C1orf54: variants seen among roughly 807,000 people sequenced by gnomAD.
The protein encoded by C1orf54 is uncharacterized protein C1orf54.
In C1orf54, 12 loss-of-function variants were observed where a neutral mutation model predicts 14.7. The ratio of observed to expected loss-of-function variants is 0.82; its 90% CI spans 0.52 to 1.32. C1orf54 has a LOEUF of 1.32. C1orf54 is among the 40% of genes most tolerant of loss of function. The pLI is 0.00. For synonymous variants in C1orf54, 65 were observed against 56.3 expected (o/e 1.16, Z -0.70); for missense variants, 163 against 162.2 (o/e 1.00, Z -0.03).
chr1:150,278,442 T>C (rs1652841066), intron 4 of C1orf54, among the ~76,000 whole-genome samples: 1 of 152,042 alleles, frequency 6.6e-6, no homozygotes, highest in Admixed American at 6.6e-5. Context: ...CCTATGAGGG[T>C]GTCCTAAAGG....
At chr1:150,277,019 T>C (rs1652712661) in intron 4 of C1orf54, among the ~76,000 whole-genome samples, 1 of 152,202 alleles carries the variant, frequency 6.6e-6, no homozygotes, top group South Asian at 2.1e-4. Context: ...TATATAAATT[T>C]GAAAGCAGAA....
chr1:150,268,972 C>T (rs1172384506), upstream of C1orf54: 1 of 602,810 alleles, frequency 1.7e-6, no homozygotes, highest in Non-Finnish European at 2.9e-6. Context: ...GGAACCGAAA[C>T]CCCAAATGAA....
At chr1:150,272,480 G>A (rs587674624), upstream of C1orf54, 13 of 242,362 alleles carry the variant, frequency 5.4e-5, no homozygotes, top group African/African-American at 2.3e-4. Flanking sequence ...AAGGAAAGCC[G>A]GGAGAGGGGA....
At chr1:150,276,385 G>GATTCTCTACTTAAA (rs1652655145) in intron 3 of C1orf54, 137 bp from the exon 4 acceptor site, 1 of 675,040 alleles carries the variant, frequency 1.5e-6, no homozygotes, top group Non-Finnish European at 2.6e-6. Context: ...GCAAGCATAG[G>GATTCTCTACTTAAA]GTAGGGGGGA....
chr1:150,279,045 C>T (rs942415087), intron 4 of C1orf54, among the ~76,000 whole-genome samples: 6 of 152,134 alleles, frequency 3.9e-5, no homozygotes, highest in Non-Finnish European at 5.9e-5. Flanking sequence ...CTGAGGTGGG[C>T]GGATCACCTG....
rs782098840 is a variant in C1orf54, at chr1:150,276,550, C to T, written c.218C>T (p.Ala73Val). 1 of 1,613,988 alleles carries T rather than the reference C, an allele frequency of 6.2e-7. No individual in the cohort carries two copies. Among genetic ancestry groups the T allele is most frequent in the Non-Finnish European group, 8.5e-7 (1 of 1,179,968 alleles). Residue 73 changes from alanine to valine, a missense_variant, in exon 4 of 6, where the codon GCA (alanine) becomes GTA (valine). Coordinates refer to ENST00000369099, the MANE Select transcript of C1orf54 (RefSeq NM_024579.4). ...LNRLDKDITE[A>V]IETTISLETA... ...AGGTTGGATAAGGACATAACAGAAGCAATAGAGACTACCATTAGTCTTGAA... is the reference window on the plus strand; with the variant it reads ...AGGTTGGATAAGGACATAACAGAAGTAATAGAGACTACCATTAGTCTTGAA...
At chr1:150,277,129 G>T (rs782801830) in intron 4 of C1orf54, among the ~76,000 whole-genome samples, 9 of 152,190 alleles carry the variant, frequency 5.9e-5, no homozygotes, top group Non-Finnish European at 1.2e-4. Flanking sequence ...GATACACCCT[G>T]AAGAATAGAT....
In C1orf54 at chr1:150,272,792, T is replaced by C; in HGVS notation, c.-26T>C. The C allele has an allele frequency of 6.2e-7, 1 of 1,613,672 alleles. No homozygotes were observed. Among genetic ancestry groups the C allele is most frequent in the Non-Finnish European group, 8.5e-7 (1 of 1,179,734 alleles). On this transcript the variant is annotated 5_prime_UTR_variant, in exon 1 of 6. Coordinates refer to ENST00000369099, the MANE Select transcript of C1orf54 (RefSeq NM_024579.4). ...AAACTCTGTAATTTCCTTTTTTACTTTCACAGCAATAGTGCAGAATCCAGA... is the reference window on the plus strand; with the variant it reads ...AAACTCTGTAATTTCCTTTTTTACTCTCACAGCAATAGTGCAGAATCCAGA...
At chr1:150,272,529 A>G (rs1652282355), upstream of C1orf54, 2 of 343,710 alleles carry the variant, frequency 5.8e-6, no homozygotes, top group Non-Finnish European at 1.1e-5. Context: ...TTATTTTGGT[A>G]GTGACAGTGG....
intron 1 of C1orf54, 123 bp from the exon 2 acceptor site, chr1:150,273,964 A>G: frequency 1.6e-6 from 1 of 630,318 alleles, no homozygotes; most frequent in Non-Finnish European, 2.9e-6. Context: ...ATTGGAGGAG[A>G]GAGAGAGAGA....
chr1:150,272,701 G>A (rs1572098162), upstream of C1orf54: 1 of 1,028,178 alleles, frequency 9.7e-7, no homozygotes, highest in Non-Finnish European at 1.5e-6. Context: ...CCCCTGGGAG[G>A]AGAAGAGTTG....
intron 2 of C1orf54, among the ~76,000 whole-genome samples, chr1:150,274,383 G>A (rs1393463860): frequency 1.3e-5 from 2 of 148,412 alleles, no homozygotes; most frequent in Non-Finnish European, 3.0e-5. Flanking sequence ...GGCGGATCAC[G>A]AGGTCAGGAG....
upstream of C1orf54, among the ~76,000 whole-genome samples, chr1:150,270,889 A>G (rs1249104049): frequency 6.8e-6 from 1 of 147,270 alleles, no homozygotes; most frequent in African/African-American, 2.5e-5. Context: ...CCAGCTACTC[A>G]GGAGGCTGAG....
chr1:150,274,699 G>A (rs1481702717), intron 2 of C1orf54, among the ~76,000 whole-genome samples: 2 of 151,620 alleles, frequency 1.3e-5, no homozygotes, highest in Admixed American at 6.6e-5. Context: ...GATCACCTGC[G>A]GTCAGGAGTT....
chr1:150,270,045 AAAAG>A (rs1300536812), upstream of C1orf54, among the ~76,000 whole-genome samples: 3 of 152,192 alleles, frequency 2.0e-5, no homozygotes, highest in South Asian at 2.1e-4. Flanking sequence ...TCAAAAAAGA[AAAAG>A]AAAGTTAAGT....
upstream of C1orf54, among the ~76,000 whole-genome samples, chr1:150,269,840 C>G (rs1419630824): frequency 6.6e-6 from 1 of 151,994 alleles, no homozygotes; most frequent in East Asian, 1.9e-4. Context: ...AGTTTGAGAC[C>G]AGCCTGGCCA....
At chr1:150,274,283 C>T (rs1206258272) in intron 2 of C1orf54, 113 bp downstream of exon 2, 1 of 791,200 alleles carries the variant, frequency 1.3e-6, no homozygotes, top group Admixed American at 2.3e-5. Context: ...AGAGAAAAAT[C>T]TGGCTATGAA....
chr1:150,274,401 C>A (rs1652463136), intron 2 of C1orf54, among the ~76,000 whole-genome samples: 1 of 149,830 alleles, frequency 6.7e-6, no homozygotes, highest in African/African-American at 2.5e-5. Flanking sequence ...GAGATCGAGA[C>A]CATCCTGGCT....
rs587698697 is a variant in C1orf54 at position 150,273,828 on chromosome 1, G to C, written c.47-259G>C. Among the ~76,000 whole-genome samples the C allele has an allele frequency of 7.2e-5, 11 of 152,214 alleles. No individual in the cohort carries two copies. The South Asian group carries it at 1.7e-3, about 23-fold the overall frequency. ...CCCTTTGGGTTTATAGTATGTGAAG[G>C]GGACTGTTTTCTGTTTTAGGAGTTC... On this transcript the variant is annotated intron_variant, in intron 1 of 5. Transcript: ENST00000369099.
Sources: allele counts gnomAD v4.1 joint callset (sites outside exome capture counted in the v4.1 genomes callset), GRCh38; gene constraint gnomAD v4.1.1; transcripts MANE v1.5; gene names NCBI Gene and HGNC (gene_info 2026-07-23, HGNC 2026-07-21).